STARD13: variants seen among roughly 807,000 people sequenced by gnomAD.
STARD13 encodes the protein StAR related lipid transfer domain containing 13.
A neutral mutation model predicts 106.4 loss-of-function variants in STARD13; 62 were observed. The ratio of observed to expected loss-of-function variants is 0.58; its 90% confidence interval spans 0.48 to 0.72. STARD13 has a LOEUF of 0.72. STARD13 is among the 30% of genes least tolerant of loss of function. The pLI, the probability that STARD13 is intolerant of heterozygous loss-of-function variation, is 0.00. For missense variants in STARD13, 1,387 were observed against 1,424.0 expected, an observed-to-expected ratio of 0.97 and a Z score of 0.42; for synonymous variants, 565 against 553.0, an observed-to-expected ratio of 1.02 and a Z score of -0.31.
intron 1 of STARD13, among the ~76,000 whole-genome samples, chr13:33,255,883 A>G (rs1035748565): frequency 6.6e-5 from 10 of 152,138 alleles, no homozygotes; most frequent in African/African-American, 2.4e-4. Context: ...TGTTCCCCAA[A>G]CTGACACATA....
the STARD13 span, among the ~76,000 whole-genome samples, chr13:33,664,839 T>G: frequency 2.0e-5 from 3 of 152,090 alleles, no homozygotes; most frequent in African/African-American, 7.2e-5. Flanking sequence ...CGTTAGCCAC[T>G]ATGGTCTCGA....
chr13:33,436,673 G>A, the STARD13 span, among the ~76,000 whole-genome samples: 16 of 152,194 alleles, frequency 1.1e-4, no homozygotes, highest in African/African-American at 3.6e-4. Context: ...TCACTAGGCT[G>A]AGATCTTTTG....
At chr13:33,404,629 G>C in the STARD13 span, among the ~76,000 whole-genome samples, 5 of 152,142 alleles carry the variant, frequency 3.3e-5, no homozygotes, top group African/African-American at 1.2e-4. Context: ...AACACCACAT[G>C]TGGGCATTGA....
chr13:33,442,943 C>T, the STARD13 span, among the ~76,000 whole-genome samples: 14 of 152,030 alleles, frequency 9.2e-5, no homozygotes, highest in African/African-American at 3.4e-4. Context: ...ATGCCAGGGG[C>T]CAGGGCAAGA....
chr13:33,152,147 AG>A (rs1387574177), intron 3 of STARD13, among the ~76,000 whole-genome samples: 1 of 152,238 alleles, frequency 6.6e-6, no homozygotes, highest in Non-Finnish European at 1.5e-5. Context: ...TCAATCATCC[AG>A]GGGAAATCCA....
intron 7 of STARD13, among the ~76,000 whole-genome samples, chr13:33,125,184 A>C (rs991044569): frequency 2.6e-5 from 4 of 152,220 alleles, no homozygotes; most frequent in African/African-American, 7.2e-5. Flanking sequence ...ACTGAGCCCA[A>C]GGACCAGGGT....
rs372937649 is a variant in STARD13, at chr13:33,263,958, G to C, written c.169+21512C>G. On this transcript the variant is annotated intron_variant, in intron 1 of 13. Transcript: ENST00000336934. ...TAATAGAATACAGAAAAAGTGAAGA[G>C]GCAACTTCCAAGACTAGATCATAAA... Among the ~76,000 whole-genome samples, 29 of 152,264 alleles carry C rather than the reference G, an allele frequency of 1.9e-4. No individual in the cohort carries two copies. In the East Asian group the frequency reaches 4.8e-3, roughly 25 times the overall value.
intron 1 of STARD13, chr13:33,349,304 G>C (rs1031164403): frequency 1.4e-6 from 1 of 696,346 alleles, no homozygotes; most frequent in Non-Finnish European, 2.6e-6. Flanking sequence ...CCCAGTCCCC[G>C]AAGCATCTTC....
At chr13:33,670,224 T>G in the STARD13 span, among the ~76,000 whole-genome samples, 1 of 152,210 alleles carries the variant, frequency 6.6e-6, no homozygotes, top group Non-Finnish European at 1.5e-5. Context: ...ATATTCTTCC[T>G]CTGTGTTTCT....
the STARD13 span, among the ~76,000 whole-genome samples, chr13:33,642,694 C>T: frequency 2.6e-5 from 4 of 152,062 alleles, no homozygotes; most frequent in East Asian, 1.9e-4. Flanking sequence ...CAGTAAATGG[C>T]GCAGGTGGGA....
At chr13:33,291,437 A>G (rs1171559746) in intron 1 of STARD13, among the ~76,000 whole-genome samples, 1 of 152,196 alleles carries the variant, frequency 6.6e-6, no homozygotes, top group African/African-American at 2.4e-5. Context: ...ATCTACTCTA[A>G]GCTTAGAGCT....
intron 1 of STARD13, among the ~76,000 whole-genome samples, chr13:33,327,218 A>T (rs995911915): frequency 1.3e-5 from 2 of 152,238 alleles, no homozygotes; most frequent in Non-Finnish European, 2.9e-5. Flanking sequence ...ATACCTACAT[A>T]TCTTCTGTCT....
At chr13:33,668,478 G>T in the STARD13 span, among the ~76,000 whole-genome samples, 2 of 152,172 alleles carry the variant, frequency 1.3e-5, no homozygotes, top group African/African-American at 4.8e-5. Context: ...GCTAGGACAG[G>T]GGGGCTTATG....
the STARD13 span, among the ~76,000 whole-genome samples, chr13:33,525,553 G>T: frequency 6.6e-6 from 1 of 152,024 alleles, no homozygotes; most frequent in African/African-American, 2.4e-5. Flanking sequence ...TACAATAAAA[G>T]TTCTTTTCAA....
the STARD13 span, among the ~76,000 whole-genome samples, chr13:33,360,819 G>A: frequency 8.5e-5 from 11 of 128,900 alleles, no homozygotes; most frequent in Admixed American, 4.8e-4. Context: ...TTTTTGAGAC[G>A]GAGTCTTGCT....
At chr13:33,155,646 A>T (rs1215604995) in intron 3 of STARD13, 1 of 152,184 alleles carries the variant, frequency 6.6e-6, no homozygotes, top group Non-Finnish European at 1.5e-5. Flanking sequence ...GGCCATTAAA[A>T]ATATATATAA....
chr13:33,476,067 T>A, the STARD13 span, among the ~76,000 whole-genome samples: 2 of 152,328 alleles, frequency 1.3e-5, no homozygotes, highest in African/African-American at 4.8e-5. Context: ...TGGTTTCAGA[T>A]CTTTTCCTTT....
At chr13:33,255,413 C>T (rs185687086) in intron 1 of STARD13, among the ~76,000 whole-genome samples, 3 of 151,944 alleles carry the variant, frequency 2.0e-5, no homozygotes, top group African/African-American at 7.3e-5. Flanking sequence ...CTAAAGAGAA[C>T]CGCTCACAAC....
chr13:33,399,277 A>G, the STARD13 span, among the ~76,000 whole-genome samples: 2 of 152,170 alleles, frequency 1.3e-5, no homozygotes, highest in Non-Finnish European at 2.9e-5. Context: ...TGGAACCCAT[A>G]AAAGTTGAAC....
Sources: gnomAD v4.1 joint callset for allele counts (sites outside exome capture counted in the v4.1 genomes callset) on GRCh38, gnomAD v4.1.1 for gene constraint, MANE v1.5 for transcripts, NCBI Gene and HGNC (gene_info 2026-07-23, HGNC 2026-07-21) for gene names.